ANKS1B: variants seen among roughly 807,000 people sequenced by gnomAD.
ANKS1B encodes ankyrin repeat and sterile alpha motif domain containing 1B.
A neutral mutation model predicts 148.3 loss-of-function variants in ANKS1B; 36 were observed. That is an observed-to-expected ratio of 0.24 (90% CI 0.19 to 0.32). ANKS1B has a LOEUF of 0.32. ANKS1B is among the 10% of genes least tolerant of loss of function. The probability of loss-of-function intolerance (pLI) is 1.00; values close to 1 mark genes in which losing one functional copy is unlikely to be tolerated. For missense variants in ANKS1B, 1,157 were observed against 1,542.6 expected, an observed-to-expected ratio of 0.75 and a Z score of 4.19; for synonymous variants, 542 against 560.8, an observed-to-expected ratio of 0.97 and a Z score of 0.47.
At chr12:99,438,801 C>T (rs769126831) in intron 11 of ANKS1B, among the ~76,000 whole-genome samples, 4 of 151,820 alleles carry the variant, frequency 2.6e-5, no homozygotes, top group Non-Finnish European at 4.4e-5. Context: ...TGTCTGCTTT[C>T]CCCAAAGATA....
At chr12:99,186,380 G>A (rs1260653278) in intron 14 of ANKS1B, among the ~76,000 whole-genome samples, 3 of 152,182 alleles carry the variant, frequency 2.0e-5, no homozygotes, top group Admixed American at 6.5e-5. Flanking sequence ...CACATTGATT[G>A]AGCTCTGCTA....
At position 98,937,354 on chromosome 12, in the gene ANKS1B, C is replaced by T. The variant is rs79416488; in HGVS notation, c.2779-105218G>A. Reference sequence around the variant, plus strand: ...GATAAAAATGTCGAGGGCCTGGTGGCCTCCAGGATAAAGTCCAAATTCTTT... The same window carrying T: ...GATAAAAATGTCGAGGGCCTGGTGGTCTCCAGGATAAAGTCCAAATTCTTT... On this transcript the variant is annotated intron_variant, in intron 17 of 26. Transcript: ENST00000683438. Among the ~76,000 whole-genome samples, 471 of 151,924 alleles carry T rather than the reference C, an allele frequency of 3.1e-3. 2 individuals carry two copies. The highest frequency in any genetic ancestry group is 0.011 in the African/African-American group (451 of 41,428).
chr12:99,516,799 C>A (rs1225396178), intron 9 of ANKS1B, among the ~76,000 whole-genome samples: 1 of 151,732 alleles, frequency 6.6e-6, no homozygotes, highest in African/African-American at 2.4e-5. Flanking sequence ...GTTCTTGGCA[C>A]CTTTGTAAAA....
At chr12:99,388,145 TA>T (rs1567007191) in intron 12 of ANKS1B, among the ~76,000 whole-genome samples, 1 of 151,946 alleles carries the variant, frequency 6.6e-6, no homozygotes, top group Non-Finnish European at 1.5e-5. Flanking sequence ...AAAATAAAAA[TA>T]AAAAAAGAAC....
rs2083207911 is a variant in ANKS1B at position 99,210,498 on chromosome 12, G to C, written c.2419+33844C>G. 5.3e-5 allele frequency among the ~76,000 whole-genome samples: 8 copies of C among 152,180 alleles called. No individual in the cohort carries two copies. The South Asian group carries it at 1.7e-3, about 32-fold the overall frequency. The stretch of plus-strand genomic sequence containing the variant: ...AAACCCAGATCTTTACAAAACCTAA[G>C]GGATCCTTTAGTCCACCCAGTGGGT... On this transcript the variant is annotated intron_variant, in intron 14 of 26. Transcript: ENST00000683438.
At chr12:99,687,469 T>A (rs565885857) in intron 8 of ANKS1B, among the ~76,000 whole-genome samples, 1 of 152,336 alleles carries the variant, frequency 6.6e-6, no homozygotes, top group East Asian at 1.9e-4. Flanking sequence ...TACACATAGC[T>A]TAGTGGCTGA....
chr12:99,015,065 C>T (rs1038135536), intron 17 of ANKS1B, among the ~76,000 whole-genome samples: 5 of 152,106 alleles, frequency 3.3e-5, no homozygotes, highest in Non-Finnish European at 5.9e-5. Context: ...GACACGTGCA[C>T]GTTGCATGTG....
chr12:99,048,674 C>A (rs983087752), intron 17 of ANKS1B: 1 of 152,586 alleles, frequency 6.6e-6, no homozygotes, highest in Non-Finnish European at 1.5e-5. Flanking sequence ...AGATCTAGCC[C>A]ATCACCACCC....
intron 10 of ANKS1B, among the ~76,000 whole-genome samples, chr12:99,468,214 G>T (rs879836173): frequency 6.6e-6 from 1 of 152,102 alleles, no homozygotes; most frequent in African/African-American, 2.4e-5. Flanking sequence ...AATAAATGGT[G>T]CTGGGAAAAC....
rs963065200 is a variant in ANKS1B at position 98,809,756 on chromosome 12, C to T, written c.3067-1838G>A. 4.6e-5 allele frequency among the ~76,000 whole-genome samples: 7 copies of T among 152,142 alleles called. No individual in the cohort carries two copies. The East Asian group carries it at 9.6e-4, about 21-fold the overall frequency. ...CCCCCTCACCGACTGAACGGACCCCCTTGTGGCCAAGGGGACCCCAGAAAA... is the reference window on the plus strand; with the variant it reads ...CCCCCTCACCGACTGAACGGACCCCTTTGTGGCCAAGGGGACCCCAGAAAA... On this transcript the variant is annotated intron_variant, in intron 19 of 26. Coordinates refer to ENST00000683438, the MANE Select transcript of ANKS1B (RefSeq NM_001352186.2).
intron 9 of ANKS1B, among the ~76,000 whole-genome samples, chr12:99,642,278 T>C (rs990944954): frequency 2.6e-5 from 4 of 152,216 alleles, no homozygotes; most frequent in Non-Finnish European, 5.9e-5. Flanking sequence ...ATCTTCTGCC[T>C]AGATGCAGAC....
intron 17 of ANKS1B, among the ~76,000 whole-genome samples, chr12:98,870,615 A>G (rs931984655): frequency 1.3e-5 from 2 of 152,212 alleles, no homozygotes; most frequent in Non-Finnish European, 2.9e-5. Flanking sequence ...CATCCACTCC[A>G]TCCTCCCCAA....
At chr12:99,948,672 C>T (rs1399736701) in intron 1 of ANKS1B, among the ~76,000 whole-genome samples, 1 of 152,168 alleles carries the variant, frequency 6.6e-6, no homozygotes, top group East Asian at 1.9e-4. Flanking sequence ...AATCAAGTCA[C>T]TCTATTCTCC....
At chr12:99,891,479 C>CA (rs1238071814) in intron 1 of ANKS1B, among the ~76,000 whole-genome samples, 1 of 152,082 alleles carries the variant, frequency 6.6e-6, no homozygotes, top group Non-Finnish European at 1.5e-5. Flanking sequence ...TTCTGACTCC[C>CA]AAAATGCCAG....
At chr12:99,199,272 GT>G (rs2081765937) in intron 14 of ANKS1B, among the ~76,000 whole-genome samples, 1 of 152,176 alleles carries the variant, frequency 6.6e-6, no homozygotes, top group African/African-American at 2.4e-5. Flanking sequence ...TAGATAACTA[GT>G]TTTAGATAAC....
chr12:98,938,192 G>T (rs1034828687), intron 17 of ANKS1B, among the ~76,000 whole-genome samples: 1 of 152,170 alleles, frequency 6.6e-6, no homozygotes, highest in Non-Finnish European at 1.5e-5. Flanking sequence ...TATGCAAATA[G>T]CAAATAAGCT....
chr12:99,816,565 T>G (rs2069188717), intron 2 of ANKS1B, among the ~76,000 whole-genome samples: 1 of 151,764 alleles, frequency 6.6e-6, no homozygotes, highest in African/African-American at 2.4e-5. Flanking sequence ...TATTTTCAAA[T>G]TTTTGTTTAA....
chr12:99,822,176 C>A (rs1192424217), intron 2 of ANKS1B, among the ~76,000 whole-genome samples: 1 of 152,026 alleles, frequency 6.6e-6, no homozygotes, highest in Non-Finnish European at 1.5e-5. Flanking sequence ...GCATTAAGAG[C>A]TTTATGACCA....
At chr12:98,961,457 A>T (rs1235738297) in intron 17 of ANKS1B, among the ~76,000 whole-genome samples, 1 of 152,216 alleles carries the variant, frequency 6.6e-6, no homozygotes, top group East Asian at 1.9e-4. Flanking sequence ...GATTTCATCA[A>T]CACCAGACCT....
Sources: gnomAD v4.1 joint callset for allele counts (sites outside exome capture counted in the v4.1 genomes callset) on GRCh38, gnomAD v4.1.1 for gene constraint, MANE v1.5 for transcripts, NCBI Gene and HGNC (gene_info 2026-07-23, HGNC 2026-07-21) for gene names.